FBXL7: variants seen among roughly 807,000 people sequenced by gnomAD.
The protein encoded by FBXL7 is F-box and leucine rich repeat protein 7, also known as F-box/LRR-repeat protein 7.
Under a neutral mutation model 38.3 loss-of-function variants are expected in FBXL7, and 12 were observed. That is an observed-to-expected ratio of 0.31 (90% CI 0.20 to 0.51). FBXL7 has a LOEUF of 0.51. Ranked by LOEUF, FBXL7 falls within the 20% of genes least tolerant of loss-of-function variation. The pLI is 0.98. For synonymous variants in FBXL7, 297 were observed against 300.9 expected, an observed-to-expected ratio of 0.99 and a Z score of 0.13; for missense variants, 567 against 676.4, an observed-to-expected ratio of 0.84 and a Z score of 1.79.
intron 2 of FBXL7, among the ~76,000 whole-genome samples, chr5:15,899,170 G>A (rs141476005): frequency 3.9e-5 from 6 of 152,216 alleles, no homozygotes; most frequent in South Asian, 2.1e-4. Flanking sequence ...GGGTTCAAGC[G>A]ATTCTTCTGC....
chr5:15,860,396 T>G (rs1027903211), intron 2 of FBXL7, among the ~76,000 whole-genome samples: 5 of 152,200 alleles, frequency 3.3e-5, no homozygotes, highest in Non-Finnish European at 7.3e-5. Flanking sequence ...CCTGCTTGAT[T>G]TATTTTATTC....
intron 3 of FBXL7, among the ~76,000 whole-genome samples, chr5:15,933,530 TCAAAA>T (rs371569360): frequency 3.9e-5 from 6 of 152,182 alleles, no homozygotes; most frequent in South Asian, 2.1e-4. Context: ...AGAAAGAAAC[TCAAAA>T]CAAAGGGAAA....
Position 15,656,527 on chromosome 5 carries a change from C to A in FBXL7, c.127+40455C>A, listed in dbSNP as rs1195084039. Reference sequence around the variant, plus strand: ...CATCAGATCTTGTGAGATTTATTCACTACCATGAGAACAGTATGGTGGAAA... The same window carrying A: ...CATCAGATCTTGTGAGATTTATTCAATACCATGAGAACAGTATGGTGGAAA... On this transcript the variant is annotated intron_variant, in intron 2 of 3. Coordinates refer to ENST00000504595, the MANE Select transcript of FBXL7 (RefSeq NM_012304.5). 2.6e-5 allele frequency among the ~76,000 whole-genome samples: 4 copies of A among 152,248 alleles called. No individual in the cohort carries two copies. The East Asian group carries it at 7.7e-4, about 29-fold the overall frequency.
chr5:15,899,659 A>T (rs1741187259), intron 2 of FBXL7, among the ~76,000 whole-genome samples: 2 of 152,174 alleles, frequency 1.3e-5, no homozygotes, highest in African/African-American at 4.8e-5. Context: ...CAGAAGGGTG[A>T]TGTCATGCAG....
chr5:15,571,634 T>TCA (rs1738785244), intron 1 of FBXL7, among the ~76,000 whole-genome samples: 2 of 152,166 alleles, frequency 1.3e-5, no homozygotes, highest in Non-Finnish European at 2.9e-5. Context: ...TAGCCTGGCA[T>TCA]TGTTAAGCAG....
chr5:15,749,355 G>A (rs1293091673), intron 2 of FBXL7, among the ~76,000 whole-genome samples: 6 of 151,966 alleles, frequency 3.9e-5, no homozygotes, highest in African/African-American at 1.5e-4. Flanking sequence ...GGCTGGGTGC[G>A]GTGGCTCACG....
intron 2 of FBXL7, among the ~76,000 whole-genome samples, chr5:15,769,736 G>A (rs1341834896): frequency 1.9e-4 from 28 of 148,710 alleles, no homozygotes; most frequent in African/African-American, 4.2e-4. Flanking sequence ...TTCTGGACAC[G>A]AAAAAAAAAA....
chr5:15,599,220 A>G (rs1739714923), intron 1 of FBXL7, among the ~76,000 whole-genome samples: 1 of 152,110 alleles, frequency 6.6e-6, no homozygotes, highest in African/African-American at 2.4e-5. Context: ...TAAAATTGGG[A>G]CCTTCATTTG....
chr5:15,671,217 T>C (rs1042670869), intron 2 of FBXL7, among the ~76,000 whole-genome samples: 1 of 152,206 alleles, frequency 6.6e-6, no homozygotes, highest in Non-Finnish European at 1.5e-5. Flanking sequence ...TTGTCTGCTT[T>C]TTTTACAAGG....
At chr5:15,680,234 C>T (rs1742799142) in intron 2 of FBXL7, among the ~76,000 whole-genome samples, 1 of 152,072 alleles carries the variant, frequency 6.6e-6, no homozygotes, top group Non-Finnish European at 1.5e-5. Context: ...GAAAATTATT[C>T]TAAGTATCAT....
At chr5:15,854,643 G>A (rs1480767106) in intron 2 of FBXL7, among the ~76,000 whole-genome samples, 1 of 152,146 alleles carries the variant, frequency 6.6e-6, no homozygotes, top group East Asian at 1.9e-4. Flanking sequence ...CATATTAAGA[G>A]TATAATACTT....
intron 2 of FBXL7, among the ~76,000 whole-genome samples, chr5:15,626,696 A>G (rs1394494690): frequency 2.0e-5 from 3 of 152,182 alleles, no homozygotes; most frequent in Non-Finnish European, 4.4e-5. Context: ...TTCTAATTCC[A>G]TGTCCAAAAT....
intron 2 of FBXL7, among the ~76,000 whole-genome samples, chr5:15,820,818 T>G (rs1340384773): frequency 6.6e-6 from 1 of 152,098 alleles, no homozygotes; most frequent in Non-Finnish European, 1.5e-5. Context: ...CTGTGCAATG[T>G]GTTCTTGAGA....
intron 2 of FBXL7, among the ~76,000 whole-genome samples, chr5:15,740,305 C>A (rs1735861078): frequency 6.6e-6 from 1 of 152,138 alleles, no homozygotes; most frequent in Admixed American, 6.6e-5. Context: ...CCCTTGGTTT[C>A]CCCCACTTCC....
chr5:15,791,077 G>T (rs989790452), intron 2 of FBXL7, among the ~76,000 whole-genome samples: 3 of 148,672 alleles, frequency 2.0e-5, no homozygotes, highest in East Asian at 2.1e-4. Flanking sequence ...TAAAAGGGGG[G>T]GGGGGGTTAT....
intron 2 of FBXL7, among the ~76,000 whole-genome samples, chr5:15,696,952 C>A (rs1471689854): frequency 6.6e-6 from 1 of 152,176 alleles, no homozygotes; most frequent in Non-Finnish European, 1.5e-5. Flanking sequence ...CTCACAAGTT[C>A]GTCTTCATCA....
At chr5:15,780,364 A>T (rs199782031) in intron 2 of FBXL7, among the ~76,000 whole-genome samples, 1 of 135,384 alleles carries the variant, frequency 7.4e-6, no homozygotes, top group African/African-American at 2.6e-5. Context: ...ATACATATAT[A>T]TTTTTTTACT....
chr5:15,697,697 A>G (rs576454076), intron 2 of FBXL7, among the ~76,000 whole-genome samples: 1 of 152,226 alleles, frequency 6.6e-6, no homozygotes, highest in African/African-American at 2.4e-5. Flanking sequence ...CTATCACAGG[A>G]ACTCATTTGC....
intron 2 of FBXL7, among the ~76,000 whole-genome samples, chr5:15,840,717 C>T (rs566767161): frequency 5.3e-5 from 8 of 151,830 alleles, no homozygotes; most frequent in Middle Eastern, 3.4e-3. Flanking sequence ...CACGGTGGCA[C>T]GCGCTTGTAG....
Sources: allele counts gnomAD v4.1 joint callset (sites outside exome capture counted in the v4.1 genomes callset), GRCh38; gene constraint gnomAD v4.1.1; transcripts MANE v1.5; gene names NCBI Gene and HGNC (gene_info 2026-07-23, HGNC 2026-07-21).